Variants in CELF2 observed in about 807,000 individuals in gnomAD.
CELF2 encodes the protein CUG triplet repeat RNA-binding protein 2.
A neutral mutation model predicts 62.6 loss-of-function variants in CELF2; 8 were observed. The observed-to-expected ratio is 0.13, with a 90% CI of 0.07 to 0.23. The LOEUF is 0.23. Among genes scored for constraint, CELF2 ranks in the 10% least tolerant of loss-of-function variants. The probability of loss-of-function intolerance (pLI) is 1.00; values close to 1 mark genes in which losing one functional copy is unlikely to be tolerated. For missense variants in CELF2, 333 were observed against 671.0 expected (o/e 0.50, Z 5.56); for synonymous variants, 258 against 250.0 (o/e 1.03, Z -0.30).
chr10:10,736,387 TCTTTC>T, the CELF2 span, among the ~76,000 whole-genome samples: 2 of 85,594 alleles, frequency 2.3e-5, no homozygotes, highest in African/African-American at 9.2e-5. Context: ...TTTCTTTCTT[TCTTTC>T]TTTCTTTTTT....
chr10:11,075,133 G>C lies in CELF2; in HGVS notation c.74+56970G>C, dbSNP rs781273851. On this transcript the variant is annotated intron_variant, in intron 1 of 12. Transcript: ENST00000633077. The surrounding 1 kb of genome is among the most constrained non-coding windows in gnomAD (Gnocchi z 5.4). ...CTTGGCCCTGAAAGTGAATGGTCTTGTCCCTTGTCAAGTGTGGCTTGATTG... is the reference window on the plus strand; with the variant it reads ...CTTGGCCCTGAAAGTGAATGGTCTTCTCCCTTGTCAAGTGTGGCTTGATTG... 6.6e-6 allele frequency: 1 copy of C among 152,260 alleles called. No homozygotes were observed. The highest frequency in any genetic ancestry group is 2.1e-4 in the South Asian group (1 of 4,830). 9.4% of individuals were successfully genotyped at this position (152,260 alleles called of 1,614,324 possible). A position where few individuals can be genotyped will look rare whatever the true frequency, so the allele number is the denominator to read the frequency against.
the CELF2 span, among the ~76,000 whole-genome samples, chr10:10,490,568 TG>T: frequency 0.54 from 80,659 of 150,582 alleles, 21,606 homozygotes; most frequent in Admixed American, 0.61. Context: ...TCTATCTGGT[TG>T]GGGGGGGGTG....
At chr10:11,095,846 A>G (rs755114299) in intron 1 of CELF2, among the ~76,000 whole-genome samples, 1 of 152,192 alleles carries the variant, frequency 6.6e-6, no homozygotes, top group Non-Finnish European at 1.5e-5. Context: ...TGATGAAACC[A>G]TTTGTGAAAC....
rs980888806 is a variant in CELF2, at chr10:11,315,994, GGT to G, written c.1096+1747_1096+1748del. Among the ~76,000 whole-genome samples, 2 of 152,168 alleles carry G rather than the reference GGT, an allele frequency of 1.3e-5. No homozygotes were observed. Among genetic ancestry groups the G allele is most frequent in the Non-Finnish European group, 2.9e-5 (2 of 68,028 alleles). ...TCCTCCTCAGCACGTGCTCATGACT[GGT>G]GTGTGTGTGTCCTCTCGTCTGCGTC... On this transcript the variant is annotated intron_variant, in intron 10 of 12. Transcript: ENST00000633077. This position sits in a 1 kb window ranked among gnomAD's most constrained non-coding sequence, Gnocchi z 5.8.
intron 1 of CELF2, among the ~76,000 whole-genome samples, chr10:11,124,287 A>C (rs1476176307): frequency 6.6e-6 from 1 of 152,168 alleles, no homozygotes; most frequent in African/African-American, 2.4e-5. Flanking sequence ...ATACATACCT[A>C]CACACTCAAT....
chr10:11,199,794 A>C (rs1376607432), intron 2 of CELF2, among the ~76,000 whole-genome samples: 1 of 152,206 alleles, frequency 6.6e-6, no homozygotes, highest in African/African-American at 2.4e-5. Flanking sequence ...AGCAGGGCTG[A>C]GGGAAAGCTT....
chr10:11,316,094 G>T lies in CELF2; in HGVS notation c.1096+1836G>T, dbSNP rs2094955692. 6.6e-6 allele frequency among the ~76,000 whole-genome samples: 1 copy of T among 152,232 alleles called. No individual in the cohort carries two copies. Among genetic ancestry groups the T allele is most frequent in the African/African-American group, 2.4e-5 (1 of 41,454 alleles). ...CGTTCTCGTCAGGGACTGGAGAGGG[G>T]CTGTGTTGAATGGCAGAGAAACCAT... On this transcript the variant is annotated intron_variant, in intron 10 of 12. Coordinates refer to ENST00000633077, the MANE Select transcript of CELF2 (RefSeq NM_001326342.2). The surrounding 1 kb of genome is among the most constrained non-coding windows in gnomAD (Gnocchi z 4.4).
intron 1 of CELF2, among the ~76,000 whole-genome samples, chr10:10,883,074 C>G (rs570323864): frequency 6.6e-6 from 1 of 152,082 alleles, no homozygotes; most frequent in African/African-American, 2.4e-5. Flanking sequence ...AGTTTACTTT[C>G]ATTGTTATTG....
At chr10:10,493,722 G>C in the CELF2 span, among the ~76,000 whole-genome samples, 615 of 152,122 alleles carry the variant, frequency 4.0e-3, 1 homozygote, top group Middle Eastern at 0.014. Flanking sequence ...TGTAGAGAGA[G>C]GGTTTCACCA....
chr10:11,075,978 G>A lies in CELF2; in HGVS notation c.74+57815G>A, dbSNP rs548558604. Among the ~76,000 whole-genome samples, 3 of 152,070 alleles carry A rather than the reference G, an allele frequency of 2.0e-5. No individual in the cohort carries two copies. The highest frequency in any genetic ancestry group is 2.0e-4 in the Admixed American group (3 of 15,256). On this transcript the variant is annotated intron_variant, in intron 1 of 12. Transcript: ENST00000633077. The surrounding 1 kb of genome is among the most constrained non-coding windows in gnomAD (Gnocchi z 5.4). ...AAGTTTATTGAAAAATGATATATCAGCATACTTTTTTAGTGTGAGAAAATA... is the reference window on the plus strand; with the variant it reads ...AAGTTTATTGAAAAATGATATATCAACATACTTTTTTAGTGTGAGAAAATA...
At chr10:11,155,532 C>T (rs1294800461) in intron 1 of CELF2, among the ~76,000 whole-genome samples, 2 of 152,122 alleles carry the variant, frequency 1.3e-5, no homozygotes, top group South Asian at 2.1e-4. Context: ...CATGAGCATC[C>T]GGATGGGAAG....
chr10:10,539,613 G>GAAAATTCT, the CELF2 span, among the ~76,000 whole-genome samples: 1 of 152,150 alleles, frequency 6.6e-6, no homozygotes, highest in African/African-American at 2.4e-5. Flanking sequence ...AAGCCAAACA[G>GAAAATTCT]AAAACTCTAA....
the CELF2 span, among the ~76,000 whole-genome samples, chr10:10,594,380 G>A: frequency 7.2e-6 from 1 of 139,074 alleles, no homozygotes; most frequent in Middle Eastern, 4.0e-3. Context: ...GGCACCCATT[G>A]GACAGACACT....
At chr10:10,953,577 G>A (rs1030481351) in intron 2 of CELF2, among the ~76,000 whole-genome samples, 1 of 152,126 alleles carries the variant, frequency 6.6e-6, no homozygotes, top group Non-Finnish European at 1.5e-5. Context: ...AGAAGTTAGA[G>A]CCATACCTTC....
chr10:11,058,521 C>T (rs939303484), intron 1 of CELF2, among the ~76,000 whole-genome samples: 6 of 133,882 alleles, frequency 4.5e-5, no homozygotes, highest in African/African-American at 1.4e-4. Context: ...GGCTGGAGTG[C>T]GGTGGTGCGA....
At chr10:11,026,874 A>G (rs1332687280) in intron 1 of CELF2, among the ~76,000 whole-genome samples, 1 of 152,110 alleles carries the variant, frequency 6.6e-6, no homozygotes, top group Non-Finnish European at 1.5e-5. Context: ...GTTTCTGCGC[A>G]TTGAACTGTA....
chr10:11,197,021 AAAGAAAAGAAAGAAAGAAAGAAAG>A (rs2057827031), intron 2 of CELF2, among the ~76,000 whole-genome samples: 1 of 9,142 alleles, frequency 1.1e-4, no homozygotes, highest in African/African-American at 5.6e-4. Flanking sequence ...AGAAAGAAAG[AAAGAAAAGAAAGAAAGAAAGAAAG>A]AAAGAAAGAA....
At chr10:10,600,240 A>G in the CELF2 span, among the ~76,000 whole-genome samples, 1 of 152,218 alleles carries the variant, frequency 6.6e-6, no homozygotes, top group Non-Finnish European at 1.5e-5. Flanking sequence ...GCGTTTGCAA[A>G]GCAAGGTTTC....
At chr10:10,478,666 GA>G in the CELF2 span, among the ~76,000 whole-genome samples, 1 of 152,152 alleles carries the variant, frequency 6.6e-6, no homozygotes. Flanking sequence ...TATTAAATCA[GA>G]ATGACAGATG....
Sources: allele counts gnomAD v4.1 joint callset (sites outside exome capture counted in the v4.1 genomes callset), GRCh38; gene constraint gnomAD v4.1.1; non-coding constraint Gnocchi (gnomAD v3.1); transcripts MANE v1.5; gene names NCBI Gene and HGNC (gene_info 2026-07-23, HGNC 2026-07-21).